The following TRPS1 variants were observed in gnomAD, a reference collection of about 807,000 sequenced individuals.
TRPS1 encodes zinc finger transcription factor Trps1.
Under a neutral mutation model 101.2 loss-of-function variants are expected in TRPS1, and 6 were observed. The observed-to-expected ratio is 0.06, with a 90% CI of 0.03 to 0.12. The LOEUF is 0.12. TRPS1 is among the 10% of genes least tolerant of loss of function. TRPS1 has a pLI of 1.00. For missense variants in TRPS1, 1,363 were observed against 1,567.0 expected (o/e 0.87, Z 2.20); for synonymous variants, 578 against 589.8 (o/e 0.98, Z 0.29).
chr8:115,417,821 T>C (rs1281497641), intron 6 of TRPS1, among the ~76,000 whole-genome samples: 1 of 152,156 alleles, frequency 6.6e-6, no homozygotes, highest in East Asian at 1.9e-4. Context: ...TCTCTGATCC[T>C]AATTCAGTTC....
intron 5 of TRPS1, among the ~76,000 whole-genome samples, chr8:115,448,081 T>C (rs568188385): frequency 6.6e-6 from 1 of 152,236 alleles, no homozygotes. Context: ...AGATTCAATA[T>C]AATAAAGTGC....
intron 5 of TRPS1, among the ~76,000 whole-genome samples, chr8:115,478,328 T>C (rs1185439744): frequency 6.6e-6 from 1 of 152,168 alleles, no homozygotes; most frequent in African/African-American, 2.4e-5. Context: ...ATTGACTCAG[T>C]TTTAGTGACA....
chr8:115,499,946 T>TCTTG (rs1232647434), intron 5 of TRPS1, among the ~76,000 whole-genome samples: 2 of 58,600 alleles, frequency 3.4e-5, no homozygotes, highest in Non-Finnish European at 6.8e-5. Context: ...TTTCTTTCTT[T>TCTTG]CTTTCTTTCT....
At chr8:115,648,202 G>A (rs973011438) in intron 1 of TRPS1, among the ~76,000 whole-genome samples, 2 of 152,108 alleles carry the variant, frequency 1.3e-5, no homozygotes, top group Non-Finnish European at 1.5e-5. Context: ...CTGGCCAGGG[G>A]ATGCGACGCG....
chr8:115,631,442 G>A (rs766610870), intron 1 of TRPS1, among the ~76,000 whole-genome samples: 38 of 151,852 alleles, frequency 2.5e-4, no homozygotes, highest in Non-Finnish European at 4.4e-5. Context: ...TTTTTTCCAG[G>A]TGCAACACAT....
chr8:115,555,709 A>G (rs1817681373), intron 5 of TRPS1, among the ~76,000 whole-genome samples: 2 of 152,192 alleles, frequency 1.3e-5, no homozygotes, highest in South Asian at 4.1e-4. Flanking sequence ...AACCTATTGC[A>G]GAATTTTAAA....
chr8:115,414,403 C>A lies in TRPS1; in HGVS notation c.3505G>T (p.Val1169Phe), dbSNP rs766822183. The change falls in exon 7 of 7, where the codon GTT (valine) becomes TTT (phenylalanine). Residue 1169 changes from valine to phenylalanine, a missense_variant. By Grantham distance (50) the Val-to-Phe change is conservative (BLOSUM62 -1). This residue lies in a region of TRPS1 where 307 missense variants were observed against 392.4 expected (regional missense o/e 0.78). Coordinates refer to ENST00000395715, the MANE Select transcript of TRPS1 (RefSeq NM_014112.5). The surrounding 1 kb of genome is among the most constrained non-coding windows in gnomAD (Gnocchi z 4.8). ...TFNLPPHFSA[V>F]GSDNDIPLDL... ...AGAGGAATGTCATTGTCTGATCCAACAGCTGAAAAATGAGGAGGCAGATTG... is the reference window on the plus strand; with the variant it reads ...AGAGGAATGTCATTGTCTGATCCAAAAGCTGAAAAATGAGGAGGCAGATTG... 20 of 1,613,866 alleles carry A rather than the reference C, an allele frequency of 1.2e-5. No homozygotes were observed. Among genetic ancestry groups the A allele is most frequent in the South Asian group, 2.2e-5 (2 of 91,080 alleles).
intron 5 of TRPS1, among the ~76,000 whole-genome samples, chr8:115,533,335 C>T (rs533385315): frequency 3.4e-4 from 51 of 151,490 alleles, no homozygotes; most frequent in Middle Eastern, 3.4e-3. Context: ...TTGTCAATTA[C>T]GGTAAATCCT....
chr8:115,516,152 T>C (rs1227567430), intron 5 of TRPS1, among the ~76,000 whole-genome samples: 1 of 145,314 alleles, frequency 6.9e-6, no homozygotes, highest in Non-Finnish European at 1.5e-5. Flanking sequence ...TTAACAATGT[T>C]ACTTTAAGAC....
chr8:115,535,432 C>CAT (rs761423653), intron 5 of TRPS1, among the ~76,000 whole-genome samples: 1 of 142,434 alleles, frequency 7.0e-6, no homozygotes, highest in African/African-American at 2.8e-5. Flanking sequence ...ATATATAGTG[C>CAT]ATATATATAG....
At chr8:115,426,876 T>C (rs527681192) in intron 5 of TRPS1, among the ~76,000 whole-genome samples, 17 of 152,298 alleles carry the variant, frequency 1.1e-4, no homozygotes, top group African/African-American at 3.8e-4. Flanking sequence ...ACTCTCCTTT[T>C]ATTGATGAAG....
At chr8:115,600,413 C>A (rs893579873) in intron 4 of TRPS1, among the ~76,000 whole-genome samples, 2 of 152,240 alleles carry the variant, frequency 1.3e-5, no homozygotes, top group South Asian at 2.1e-4. Flanking sequence ...TTTCTACAGA[C>A]AAATTTGTGT....
intron 4 of TRPS1, among the ~76,000 whole-genome samples, chr8:115,599,431 T>C (rs539728762): frequency 1.3e-5 from 2 of 152,024 alleles, no homozygotes; most frequent in African/African-American, 2.4e-5. Flanking sequence ...TATCAACCTG[T>C]CATCTAGGTT....
chr8:115,530,410 G>T (rs912506036), intron 5 of TRPS1, among the ~76,000 whole-genome samples: 6 of 152,056 alleles, frequency 3.9e-5, no homozygotes, highest in Non-Finnish European at 7.4e-5. Flanking sequence ...CTAGGGATCT[G>T]GTATAGAAAG....
chr8:115,436,618 A>G lies in TRPS1; in HGVS notation c.2701-18166T>C, dbSNP rs1298236691. 3.3e-5 allele frequency among the ~76,000 whole-genome samples: 5 copies of G among 152,250 alleles called. No individual in the cohort carries two copies. In the South Asian group the frequency reaches 1.0e-3, roughly 32 times the overall value. ...TGGTCTCAAGAGATCCTCCTGCCTC[A>G]GCTTCCTGAGTAGCTGGACTATGGG... On this transcript the variant is annotated intron_variant, in intron 5 of 6. Coordinates refer to ENST00000395715, the MANE Select transcript of TRPS1 (RefSeq NM_014112.5).
Position 115,586,262 on chromosome 8 carries a change from C to G in TRPS1, c.2700+739G>C, listed in dbSNP as rs577283560. 5.3e-5 allele frequency among the ~76,000 whole-genome samples: 8 copies of G among 152,256 alleles called. No homozygotes were observed. In the South Asian group the frequency reaches 1.7e-3, roughly 32 times the overall value. The stretch of plus-strand genomic sequence containing the variant: ...TTGGGAGCTCATGAATTTTCAAAAT[C>G]TAAAATACTTTTTAACAATGCTGAG... On this transcript the variant is annotated intron_variant, in intron 5 of 6. Coordinates refer to ENST00000395715, the MANE Select transcript of TRPS1 (RefSeq NM_014112.5).
At chr8:115,627,092 T>C (rs1048454317) in intron 1 of TRPS1, among the ~76,000 whole-genome samples, 2 of 151,620 alleles carry the variant, frequency 1.3e-5, no homozygotes, top group African/African-American at 4.8e-5. Context: ...CACATGTATA[T>C]ATATAAAAAG....
intron 1 of TRPS1, among the ~76,000 whole-genome samples, chr8:115,657,578 T>C (rs1811703471): frequency 6.6e-6 from 1 of 152,146 alleles, no homozygotes; most frequent in Admixed American, 6.6e-5. Flanking sequence ...GGTGAGAATC[T>C]TTCAAGTATT....
At chr8:115,450,708 C>G (rs549987996) in intron 5 of TRPS1, among the ~76,000 whole-genome samples, 1 of 152,196 alleles carries the variant, frequency 6.6e-6, no homozygotes, top group East Asian at 1.9e-4. Context: ...ACCACATATA[C>G]ATGAAAAAAA....
Sources: gnomAD v4.1 joint callset for allele counts (sites outside exome capture counted in the v4.1 genomes callset) on GRCh38, gnomAD v4.1.1 for gene constraint, gnomAD v4.1.1 regional missense constraint, Gnocchi (gnomAD v3.1) non-coding constraint, MANE v1.5 for transcripts, NCBI Gene and HGNC (gene_info 2026-07-23, HGNC 2026-07-21) for gene names.